Variants in KCNH5 observed in about 807,000 individuals in gnomAD.
KCNH5 encodes voltage-gated delayed rectifier potassium channel KCNH5.
In KCNH5, 46 loss-of-function variants were observed where a neutral mutation model predicts 96.1. The ratio of observed to expected loss-of-function variants is 0.48; its 90% confidence interval spans 0.38 to 0.61. The LOEUF (loss-of-function observed/expected upper bound fraction) is 0.61, where lower values mean the gene tolerates loss of function less well. Ranked by LOEUF, KCNH5 falls within the 20% of genes least tolerant of loss-of-function variation. The probability of loss-of-function intolerance (pLI) is 0.00; values close to 1 mark genes in which losing one functional copy is unlikely to be tolerated. For missense variants in KCNH5, 907 were observed against 1,225.8 expected, an observed-to-expected ratio of 0.74 and a Z score of 3.88; for synonymous variants, 439 against 449.8, an observed-to-expected ratio of 0.98 and a Z score of 0.30.
chr14:62,981,934 T>A (rs183673419), intron 5 of KCNH5, among the ~76,000 whole-genome samples: 3 of 152,314 alleles, frequency 2.0e-5, no homozygotes, highest in African/African-American at 7.2e-5. Context: ...TAAGTTTATA[T>A]GAACCTTGAG....
At chr14:63,042,549 T>C (rs1891844961) in intron 1 of KCNH5, among the ~76,000 whole-genome samples, 1 of 152,110 alleles carries the variant, frequency 6.6e-6, no homozygotes, top group Non-Finnish European at 1.5e-5. Flanking sequence ...GAGTGCTGGG[T>C]GCTATTCTTT....
intron 10 of KCNH5, among the ~76,000 whole-genome samples, chr14:62,768,984 T>C (rs1173399733): frequency 5.9e-5 from 9 of 152,164 alleles, no homozygotes; most frequent in Admixed American, 5.2e-4. Context: ...CTTAAAAGAC[T>C]CCATAATTAG....
At chr14:62,976,652 AG>A (rs1369420782) in intron 6 of KCNH5, among the ~76,000 whole-genome samples, 11 of 152,232 alleles carry the variant, frequency 7.2e-5, no homozygotes, top group African/African-American at 2.7e-4. Flanking sequence ...CTTAGGACAG[AG>A]AAGGTGTATG....
rs771098463 is a variant in KCNH5, at chr14:62,984,547, G to A, written c.549+2525C>T. On this transcript the variant is annotated intron_variant, in intron 5 of 10. Coordinates refer to ENST00000322893, the MANE Select transcript of KCNH5 (RefSeq NM_139318.5). ...TGAGTACCACTGGAAAAACAACATT[G>A]TTATACTTATTTGGTATTTCTTTTA... 2.0e-5 allele frequency among the ~76,000 whole-genome samples: 3 copies of A among 152,128 alleles called. No individual in the cohort carries two copies. The South Asian group carries it at 6.2e-4, about 31-fold the overall frequency.
intron 7 of KCNH5, among the ~76,000 whole-genome samples, chr14:62,900,279 A>C (rs1306893465): frequency 6.6e-6 from 1 of 152,234 alleles, no homozygotes; most frequent in Non-Finnish European, 1.5e-5. Context: ...CGGATACTAT[A>C]AGAATTACAT....
intron 10 of KCNH5, among the ~76,000 whole-genome samples, chr14:62,724,990 A>G (rs2139917681): frequency 6.6e-6 from 1 of 152,350 alleles, no homozygotes; most frequent in Admixed American, 6.5e-5. Flanking sequence ...ATCATTGGAA[A>G]GTCTGGTTAA....
At chr14:63,038,553 C>T (rs537418990) in intron 1 of KCNH5, among the ~76,000 whole-genome samples, 1 of 152,108 alleles carries the variant, frequency 6.6e-6, no homozygotes, top group African/African-American at 2.4e-5. Context: ...TCTAACCACA[C>T]TTTCTTTCTA....
chr14:62,802,319 T>C lies in KCNH5; in HGVS notation c.1822+10A>G. Reference sequence around the variant, plus strand: ...CGCATTTGCTACTACATTAGGAAAGTTCACAGTACCTAAAATAGCCACCAC... The same window carrying C: ...CGCATTTGCTACTACATTAGGAAAGCTCACAGTACCTAAAATAGCCACCAC... On this transcript the variant is annotated intron_variant, in intron 9 of 10. Coordinates refer to ENST00000322893, the MANE Select transcript of KCNH5 (RefSeq NM_139318.5). 2 of 1,611,956 alleles carry C rather than the reference T, an allele frequency of 1.2e-6. No homozygotes were observed. The highest frequency in any genetic ancestry group is 1.7e-6 in the Non-Finnish European group (2 of 1,178,224).
intron 8 of KCNH5, among the ~76,000 whole-genome samples, chr14:62,804,898 A>G (rs1035753981): frequency 3.9e-5 from 6 of 152,182 alleles, no homozygotes. Context: ...TAAACTCTCT[A>G]CAAAAGCAAT....
intron 10 of KCNH5, among the ~76,000 whole-genome samples, chr14:62,752,180 T>C (rs1037676776): frequency 6.6e-6 from 1 of 152,136 alleles, no homozygotes; most frequent in Non-Finnish European, 1.5e-5. Flanking sequence ...GTGTATATTA[T>C]GGTTTGGGTT....
At chr14:62,839,083 T>C (rs1887522947) in intron 8 of KCNH5, among the ~76,000 whole-genome samples, 3 of 152,174 alleles carry the variant, frequency 2.0e-5, no homozygotes, top group African/African-American at 7.2e-5. Flanking sequence ...AAATATTCAA[T>C]AATATGTGGA....
At chr14:62,965,122 ATTTGT>A (rs1890281563) in intron 6 of KCNH5, among the ~76,000 whole-genome samples, 1 of 152,056 alleles carries the variant, frequency 6.6e-6, no homozygotes, top group East Asian at 1.9e-4. Context: ...CAAGTAAGGG[ATTTGT>A]TTTTTTCATT....
chr14:62,739,738 T>G (rs1885232516), intron 10 of KCNH5, among the ~76,000 whole-genome samples: 1 of 152,098 alleles, frequency 6.6e-6, no homozygotes, highest in Non-Finnish European at 1.5e-5. Context: ...GGGCAAAAAT[T>G]TATGTTCCCA....
chr14:62,731,828 T>A (rs1451769909), intron 10 of KCNH5, among the ~76,000 whole-genome samples: 1 of 152,184 alleles, frequency 6.6e-6, no homozygotes, highest in Non-Finnish European at 1.5e-5. Context: ...TCCCTTTGGT[T>A]CTGCCCTACC....
intron 7 of KCNH5, among the ~76,000 whole-genome samples, chr14:62,888,298 T>C (rs895018385): frequency 5.3e-5 from 8 of 152,234 alleles, no homozygotes; most frequent in African/African-American, 1.9e-4. Context: ...TTGCAGATTG[T>C]TGTAAAAGGT....
intron 6 of KCNH5, among the ~76,000 whole-genome samples, chr14:62,977,371 A>G (rs1890522051): frequency 6.6e-6 from 1 of 151,968 alleles, no homozygotes; most frequent in South Asian, 2.1e-4. Context: ...AAAAATAATA[A>G]TAATAACAAT....
At chr14:62,952,554 AATG>A (rs1890027179) in intron 6 of KCNH5, among the ~76,000 whole-genome samples, 2 of 152,340 alleles carry the variant, frequency 1.3e-5, no homozygotes, top group African/African-American at 4.8e-5. Context: ...AAATAAAAAC[AATG>A]ATGTTATAGA....
chr14:62,976,395 T>C (rs1191080737), intron 6 of KCNH5, among the ~76,000 whole-genome samples: 3 of 123,392 alleles, frequency 2.4e-5, no homozygotes, highest in Admixed American at 8.8e-5. Flanking sequence ...AGAGCGAGAC[T>C]CCATGTCAAA....
chr14:62,848,824 C>T (rs1887749353), intron 8 of KCNH5, among the ~76,000 whole-genome samples: 1 of 151,864 alleles, frequency 6.6e-6, no homozygotes, highest in Non-Finnish European at 1.5e-5. Context: ...ATCTAATTAT[C>T]ACGTGTCAAA....
Sources: allele counts gnomAD v4.1 joint callset (sites outside exome capture counted in the v4.1 genomes callset), GRCh38; gene constraint gnomAD v4.1.1; transcripts MANE v1.5; gene names NCBI Gene and HGNC (gene_info 2026-07-23, HGNC 2026-07-21).